The following RBFOX3 variants were observed in gnomAD, a reference collection of about 807,000 sequenced individuals.
The protein encoded by RBFOX3 is RNA binding protein fox-1 homolog 3.
RBFOX3 carries 17 observed loss-of-function variants against 48.7 expected under a neutral mutation model. That is an observed-to-expected ratio of 0.35 (90% confidence interval 0.24 to 0.52). The LOEUF is 0.52. RBFOX3 is among the 20% of genes least tolerant of loss of function. The pLI is 0.94. For synonymous variants in RBFOX3, 212 were observed against 209.5 expected (o/e 1.01, Z -0.10); for missense variants, 382 against 497.5 (o/e 0.77, Z 2.21).
intron 1 of RBFOX3, among the ~76,000 whole-genome samples, chr17:79,521,239 T>TGCCCAGGCACACACACACTCAC (rs1362966857): frequency 2.7e-5 from 4 of 150,630 alleles, no homozygotes; most frequent in Non-Finnish European, 5.9e-5. Flanking sequence ...CACATTCTCA[T>TGCCCAGGCACACACACACTCAC]GCCCAGGCAC....
intron 4 of RBFOX3, chr17:79,134,939 G>A (rs1198687667): frequency 6.6e-6 from 1 of 152,390 alleles, no homozygotes; most frequent in East Asian, 1.9e-4. Flanking sequence ...TCACAGCAGA[G>A]ATTGAGGAGG....
intron 1 of RBFOX3, among the ~76,000 whole-genome samples, chr17:79,517,804 CACATGATCT>C (rs2085472019): frequency 6.6e-6 from 1 of 152,164 alleles, no homozygotes; most frequent in Non-Finnish European, 1.5e-5. Flanking sequence ...GCTTCTGAGA[CACATGATCT>C]CCATCCTTCC....
chr17:79,649,599 G>A, the RBFOX3 span, among the ~76,000 whole-genome samples: 1 of 152,196 alleles, frequency 6.6e-6, no homozygotes, highest in Non-Finnish European at 1.5e-5. Flanking sequence ...CCAGCTACTG[G>A]GGAGGCTGAC....
chr17:79,202,933 C>T (rs1006738851), intron 4 of RBFOX3, among the ~76,000 whole-genome samples: 7 of 152,144 alleles, frequency 4.6e-5, no homozygotes, highest in African/African-American at 1.7e-4. Flanking sequence ...GGCTAAGCCC[C>T]CAGCGCCCAC....
intron 4 of RBFOX3, among the ~76,000 whole-genome samples, chr17:79,185,597 T>G (rs1222353881): frequency 1.3e-5 from 2 of 152,180 alleles, no homozygotes; most frequent in Non-Finnish European, 2.9e-5. Flanking sequence ...CCCTGGAGGA[T>G]GCTCAGGAAT....
At chr17:79,245,600 T>C (rs2063050820) in intron 3 of RBFOX3, among the ~76,000 whole-genome samples, 1 of 149,230 alleles carries the variant, frequency 6.7e-6, no homozygotes, top group South Asian at 2.1e-4. Flanking sequence ...ACATTTTGTT[T>C]ATCCATTCGT....
intron 1 of RBFOX3, among the ~76,000 whole-genome samples, chr17:79,546,687 T>TTTTTTG (rs2090485673): frequency 6.9e-6 from 1 of 144,690 alleles, no homozygotes. Flanking sequence ...TTTTTTTTTT[T>TTTTTTG]GAGACACGGT....
At chr17:79,173,411 G>A (rs1376737829) in intron 4 of RBFOX3, among the ~76,000 whole-genome samples, 3 of 152,118 alleles carry the variant, frequency 2.0e-5, no homozygotes, top group Admixed American at 6.5e-5. Flanking sequence ...CACTGGAGAC[G>A]CCCTTGGAGG....
chr17:79,644,415 C>G, the RBFOX3 span, among the ~76,000 whole-genome samples: 1 of 152,082 alleles, frequency 6.6e-6, no homozygotes, highest in African/African-American at 2.4e-5. Context: ...AACAAAAATT[C>G]TCTACAAAAT....
rs1385738089 is a variant in RBFOX3 at position 79,103,781 on chromosome 17, C to G, written c.414+292G>C. On this transcript the variant is annotated intron_variant, in intron 7 of 14. Transcript: ENST00000693108. The surrounding 1 kb of genome is among the most constrained non-coding windows in gnomAD (Gnocchi z 6.1). The stretch of plus-strand genomic sequence containing the variant: ...CCTCAAGCTTCAAGGCCAGTGGTCC[C>G]CTGGGGTAAGTGTTCAGTGGGGGTG... Among the ~76,000 whole-genome samples, 1 of 152,124 alleles carries G rather than the reference C, an allele frequency of 6.6e-6. No homozygotes were observed. Among genetic ancestry groups the G allele is most frequent in the Non-Finnish European group, 1.5e-5 (1 of 68,016 alleles).
At chr17:79,409,816 G>T (rs1403235670) in intron 2 of RBFOX3, among the ~76,000 whole-genome samples, 2 of 152,204 alleles carry the variant, frequency 1.3e-5, no homozygotes, top group Non-Finnish European at 2.9e-5. Context: ...GCGGCAGGGG[G>T]CCAGCTCTAG....
chr17:79,589,146 G>A (rs1298760412), intron 1 of RBFOX3, among the ~76,000 whole-genome samples: 1 of 152,258 alleles, frequency 6.6e-6, no homozygotes, highest in African/African-American at 2.4e-5. Flanking sequence ...GGGGGCATTA[G>A]AGCTGGGGCT....
chr17:79,427,065 C>T (rs1007584), intron 2 of RBFOX3, among the ~76,000 whole-genome samples: 4,088 of 152,270 alleles, frequency 0.027, 197 homozygotes, highest in African/African-American at 0.093. Flanking sequence ...TGATGACCTG[C>T]AGACCCTCAG....
intron 3 of RBFOX3, among the ~76,000 whole-genome samples, chr17:79,269,077 A>C (rs1270162005): frequency 6.6e-6 from 1 of 152,206 alleles, no homozygotes; most frequent in African/African-American, 2.4e-5. Context: ...CTTTACATCC[A>C]ATCACTGGGG....
In RBFOX3 at chr17:79,471,647, A is replaced by C. The variant is rs1555757024; in HGVS notation, c.-175+10807T>G. On this transcript the variant is annotated intron_variant, in intron 2 of 14. Transcript: ENST00000693108. This position sits in a 1 kb window ranked among gnomAD's most constrained non-coding sequence, Gnocchi z 4.0. Reference sequence around the variant, plus strand: ...CCTCTCCGTGGACTGCAGTGTTTAAAAGACAGTCATCACCCAAAGTGCTTT... The same window carrying C: ...CCTCTCCGTGGACTGCAGTGTTTAACAGACAGTCATCACCCAAAGTGCTTT... Among the ~76,000 whole-genome samples, 2 of 152,176 alleles carry C rather than the reference A, an allele frequency of 1.3e-5. No individual in the cohort carries two copies. The highest frequency in any genetic ancestry group is 2.9e-5 in the Non-Finnish European group (2 of 68,028).
chr17:79,348,456 C>T (rs2083277377), intron 2 of RBFOX3, among the ~76,000 whole-genome samples: 1 of 152,212 alleles, frequency 6.6e-6, no homozygotes, highest in Admixed American at 6.5e-5. Context: ...CCCTCACCCC[C>T]TCCATCTGCT....
chr17:79,368,681 T>C (rs953995035), intron 2 of RBFOX3, among the ~76,000 whole-genome samples: 3 of 152,014 alleles, frequency 2.0e-5, no homozygotes, highest in African/African-American at 7.3e-5. Context: ...CCAGAGGTCC[T>C]CGCACACCAG....
In RBFOX3 at chr17:79,479,709, T is replaced by C. The variant is rs1214263240; in HGVS notation, c.-175+2745A>G. Among the ~76,000 whole-genome samples the C allele has an allele frequency of 1.3e-5, 2 of 152,190 alleles. No homozygotes were observed. The highest frequency in any genetic ancestry group is 3.9e-4 in the East Asian group (2 of 5,158). On this transcript the variant is annotated intron_variant, in intron 2 of 14. Coordinates refer to ENST00000693108, the MANE Select transcript of RBFOX3 (RefSeq NM_001350451.2). This position sits in a 1 kb window ranked among gnomAD's most constrained non-coding sequence, Gnocchi z 5.1. ...TTTCACTGTTGATGACCCCGAGGATTTACCTATTTGGGGGACACAGGTTCT... is the reference window on the plus strand; with the variant it reads ...TTTCACTGTTGATGACCCCGAGGATCTACCTATTTGGGGGACACAGGTTCT...
At chr17:79,110,608 T>C (rs1274037127) in intron 5 of RBFOX3, among the ~76,000 whole-genome samples, 1 of 152,218 alleles carries the variant, frequency 6.6e-6, no homozygotes, top group Non-Finnish European at 1.5e-5. Context: ...GGACCTGCCT[T>C]GGTGAGCCGC....
Sources: gnomAD v4.1 joint callset for allele counts (sites outside exome capture counted in the v4.1 genomes callset) on GRCh38, gnomAD v4.1.1 for gene constraint, Gnocchi (gnomAD v3.1) non-coding constraint, MANE v1.5 for transcripts, NCBI Gene and HGNC (gene_info 2026-07-23, HGNC 2026-07-21) for gene names.